The following MARCHF1 variants were observed in gnomAD, a reference collection of about 807,000 sequenced individuals.
The protein encoded by MARCHF1 is membrane associated ring-CH-type finger 1, also known as E3 ubiquitin-protein ligase MARCHF1.
A neutral mutation model predicts 54.2 loss-of-function variants in MARCHF1; 40 were observed. The observed-to-expected ratio is 0.74, with a 90% confidence interval of 0.57 to 0.96. MARCHF1 has a LOEUF of 0.96. Ranked by LOEUF, MARCHF1 falls within the 40% of genes least tolerant of loss-of-function variation. The pLI, the probability that MARCHF1 is intolerant of heterozygous loss-of-function variation, is 0.00. For synonymous variants in MARCHF1, 236 were observed against 236.3 expected, an observed-to-expected ratio of 1.00 and a Z score of 0.01; for missense variants, 586 against 656.5, an observed-to-expected ratio of 0.89 and a Z score of 1.17.
intron 3 of MARCHF1, among the ~76,000 whole-genome samples, chr4:163,917,908 T>C (rs1048871780): frequency 6.6e-6 from 1 of 152,216 alleles, no homozygotes; most frequent in Admixed American, 6.5e-5. Context: ...TTGGTTTAAT[T>C]AGATCAATTT....
At chr4:164,081,386 C>T (rs551815169) in intron 2 of MARCHF1, among the ~76,000 whole-genome samples, 4 of 152,030 alleles carry the variant, frequency 2.6e-5, no homozygotes, top group African/African-American at 9.6e-5. Flanking sequence ...TTAATAAACA[C>T]TTTTTGGAAT....
At chr4:163,842,092 C>T (rs929938919) in intron 4 of MARCHF1, among the ~76,000 whole-genome samples, 1 of 152,020 alleles carries the variant, frequency 6.6e-6, no homozygotes, top group East Asian at 1.9e-4. Flanking sequence ...TGACATTATG[C>T]TAAAAAGTTA....
intron 5 of MARCHF1, among the ~76,000 whole-genome samples, chr4:163,652,079 C>T (rs983830685): frequency 6.6e-6 from 1 of 151,726 alleles, no homozygotes; most frequent in Non-Finnish European, 1.5e-5. Flanking sequence ...AATGTTCTGC[C>T]GTCATGTGCA....
Position 163,612,789 on chromosome 4 carries a change from G to A in MARCHF1, c.492C>T (p.Ser164=). The A allele has an allele frequency of 6.5e-7, 1 of 1,535,296 alleles. No individual in the cohort carries two copies. Among genetic ancestry groups the A allele is most frequent in the Non-Finnish European group, 8.7e-7 (1 of 1,146,524 alleles). The change falls in exon 7 of 10, where the codon TCC becomes TCT. Residue 164 remains serine (S), a synonymous_variant. Coordinates refer to ENST00000514618, the MANE Select transcript of MARCHF1 (RefSeq NM_001394959.1). ...CCTGAATCCAATGACTCTCATCTGT[G>A]GAAGATGAATCTGAAGAATCTGTGT... ...ELYTDSSDSS[S]TDESHWIQAK... is the part of the protein sequence containing the mutation.
intron 4 of MARCHF1, among the ~76,000 whole-genome samples, chr4:163,777,831 C>T (rs1747347996): frequency 6.6e-6 from 1 of 152,100 alleles, no homozygotes; most frequent in South Asian, 2.1e-4. Context: ...TGAGTTTTGA[C>T]AAATGTATAC....
At chr4:164,155,247 T>A (rs2110922014) in intron 1 of MARCHF1, among the ~76,000 whole-genome samples, 1 of 152,222 alleles carries the variant, frequency 6.6e-6, no homozygotes, top group Admixed American at 6.5e-5. Flanking sequence ...AGGGAACCAC[T>A]CTCTTCTACC....
At chr4:163,639,661 C>A (rs528113769) in intron 5 of MARCHF1, among the ~76,000 whole-genome samples, 2 of 152,112 alleles carry the variant, frequency 1.3e-5, no homozygotes, top group Admixed American at 6.6e-5. Flanking sequence ...TAAAAATCTT[C>A]CCTGCTTGTC....
At chr4:164,132,324 C>A (rs1318306759) in intron 1 of MARCHF1, among the ~76,000 whole-genome samples, 1 of 152,038 alleles carries the variant, frequency 6.6e-6, no homozygotes, top group East Asian at 1.9e-4. Context: ...TTGTAGAATG[C>A]CTGCTATTCC....
chr4:164,002,767 T>G (rs1753211044), intron 2 of MARCHF1, among the ~76,000 whole-genome samples: 1 of 151,838 alleles, frequency 6.6e-6, no homozygotes, highest in African/African-American at 2.4e-5. Context: ...TATGCCAAAT[T>G]CAAATTTCTG....
chr4:164,235,546 A>G (rs1732524216), intron 1 of MARCHF1, among the ~76,000 whole-genome samples: 1 of 152,102 alleles, frequency 6.6e-6, no homozygotes, highest in Admixed American at 6.6e-5. Context: ...AGGAACTATT[A>G]GTGAAGAGGC....
intron 3 of MARCHF1, among the ~76,000 whole-genome samples, chr4:163,885,073 A>C (rs1750497467): frequency 2.0e-5 from 3 of 152,212 alleles, no homozygotes; most frequent in African/African-American, 7.2e-5. Context: ...ACTTAGAAGG[A>C]AAAAACAATA....
At chr4:164,259,604 A>G (rs1733406688) in intron 1 of MARCHF1, among the ~76,000 whole-genome samples, 1 of 151,622 alleles carries the variant, frequency 6.6e-6, no homozygotes, top group Non-Finnish European at 1.5e-5. Context: ...AAAGAAAAGA[A>G]GAAGTATAGC....
At chr4:164,096,222 A>C (rs1386610753) in intron 2 of MARCHF1, among the ~76,000 whole-genome samples, 1 of 152,216 alleles carries the variant, frequency 6.6e-6, no homozygotes, top group Non-Finnish European at 1.5e-5. Flanking sequence ...TATATTATGG[A>C]ATACTATGCA....
rs527982786 is a variant in MARCHF1 at position 163,870,504 on chromosome 4, T to C, written c.-38-16335A>G. On this transcript the variant is annotated intron_variant, in intron 3 of 9. Transcript: ENST00000514618. Reference sequence around the variant, plus strand: ...AGACACATTATTTAAAATTAATATATATAAAAAAGATTCTGGAGTGCACAT... The same window carrying C: ...AGACACATTATTTAAAATTAATATACATAAAAAAGATTCTGGAGTGCACAT... 1.6e-4 allele frequency among the ~76,000 whole-genome samples: 24 copies of C among 152,166 alleles called. 1 individual carries two copies. Among genetic ancestry groups the C allele is most frequent in the African/African-American group, 5.1e-4 (21 of 41,550 alleles).
chr4:164,256,244 CTTATATA>C (rs1733276302), intron 1 of MARCHF1, among the ~76,000 whole-genome samples: 1 of 151,392 alleles, frequency 6.6e-6, no homozygotes, highest in Non-Finnish European at 1.5e-5. Flanking sequence ...ATCTGAAAAT[CTTATATA>C]TTAGATATTA....
At chr4:163,776,780 G>A (rs1250323798) in intron 4 of MARCHF1, among the ~76,000 whole-genome samples, 2 of 152,112 alleles carry the variant, frequency 1.3e-5, no homozygotes, top group African/African-American at 2.4e-5. Flanking sequence ...AAAGTATCTT[G>A]TAAGTATTAT....
chr4:164,091,059 G>T (rs1579524805), intron 2 of MARCHF1, among the ~76,000 whole-genome samples: 1 of 152,120 alleles, frequency 6.6e-6, no homozygotes, highest in South Asian at 2.1e-4. Flanking sequence ...AATTTTAGAA[G>T]GTAATTTAAC....
chr4:164,058,148 C>A (rs1459958617), intron 2 of MARCHF1, among the ~76,000 whole-genome samples: 1 of 152,046 alleles, frequency 6.6e-6, no homozygotes, highest in Non-Finnish European at 1.5e-5. Flanking sequence ...GGAGGGATAA[C>A]ATTAGGAGAA....
rs1388190410 is a variant in MARCHF1 at position 164,355,460 on chromosome 4, G to A, written c.-323+28410C>T. ...GAACAGAGCCCTCAGAAATAACGCC[G>A]CATACCTACAAGTATCTGATCTTTG... On this transcript the variant is annotated intron_variant, in intron 1 of 9. Coordinates refer to ENST00000514618, the MANE Select transcript of MARCHF1 (RefSeq NM_001394959.1). Among the ~76,000 whole-genome samples, 96 of 129,374 alleles carry A rather than the reference G, an allele frequency of 7.4e-4. 1 individual carries two copies. Among genetic ancestry groups the A allele is most frequent in the African/African-American group, 2.3e-3 (80 of 35,138 alleles). The allele number at this position is 129,374 out of a possible 152,430, so 84.9% of individuals were successfully genotyped here. A position where few individuals can be genotyped will look rare whatever the true frequency, so the allele number is the denominator to read the frequency against.
Sources: allele counts gnomAD v4.1 joint callset (sites outside exome capture counted in the v4.1 genomes callset), GRCh38; gene constraint gnomAD v4.1.1; transcripts MANE v1.5; gene names NCBI Gene and HGNC (gene_info 2026-07-23, HGNC 2026-07-21).